The following EPYC variants were observed in gnomAD, a reference collection of about 807,000 sequenced individuals.
The protein encoded by EPYC is epiphycan, also known as dermatan sulfate proteoglycan 3.
In EPYC, 28 loss-of-function variants were observed where a neutral mutation model predicts 30.1. The ratio of observed to expected loss-of-function variants is 0.93; its 90% CI spans 0.69 to 1.28. The LOEUF (loss-of-function observed/expected upper bound fraction) is 1.28. Among genes scored for constraint, EPYC ranks in the 50% most tolerant of loss-of-function variants. EPYC has a pLI of 0.00. For synonymous variants in EPYC, 144 were observed against 141.4 expected, an observed-to-expected ratio of 1.02 and a Z score of -0.13; for missense variants, 382 against 383.5, an observed-to-expected ratio of 1.00 and a Z score of 0.03.
intron 3 of EPYC, among the ~76,000 whole-genome samples, chr12:90,974,291 T>C (rs1193187801): frequency 1.3e-5 from 2 of 152,060 alleles, no homozygotes; most frequent in Non-Finnish European, 2.9e-5. Context: ...TGAAAAATGT[T>C]CTTGGATTAG....
chr12:90,994,299 TG>T (rs1436890472), intron 2 of EPYC, among the ~76,000 whole-genome samples: 13 of 152,238 alleles, frequency 8.5e-5, no homozygotes, highest in African/African-American at 2.9e-4. Flanking sequence ...ATTGAGTGAG[TG>T]ATTCAATGGT....
chr12:90,964,378 G>A, intron 6 of EPYC, 52 bp from the exon 7 acceptor site: 1 of 1,373,174 alleles, frequency 7.3e-7, no homozygotes, highest in South Asian at 1.3e-5. Flanking sequence ...TCTTAGTATT[G>A]ATTGATAGCG....
rs775774143 is a variant in EPYC at position 90,972,990 on chromosome 12, A to G, written c.341-10T>C. Reference sequence around the variant, plus strand: ...AGACAGGTTGGAAAGTCTAAAAGATAAAGGAAAATAAAATTAAATGTAAGT... The same window carrying G: ...AGACAGGTTGGAAAGTCTAAAAGATGAAGGAAAATAAAATTAAATGTAAGT... On this transcript the variant is annotated splice_polypyrimidine_tract_variant and intron_variant, in intron 3 of 6. Transcript: ENST00000261172. The G allele has an allele frequency of 1.3e-6, 2 of 1,537,226 alleles. No individual in the cohort carries two copies. Among genetic ancestry groups the G allele is most frequent in the Admixed American group, 3.8e-5 (2 of 52,432 alleles).
chr12:90,972,017 TAAAG>T lies in EPYC; in HGVS notation c.500-19_500-16del, dbSNP rs370788402. ...TTTTAAATCACCTAGCAGAAAAAAA[TAAAG>T]GAAGTAATTAAATATTCTTGTTTTG... is the stretch of plus-strand genomic sequence containing the variant. On this transcript the variant is annotated splice_polypyrimidine_tract_variant and intron_variant, in intron 4 of 6. Coordinates refer to ENST00000261172, the MANE Select transcript of EPYC (RefSeq NM_004950.5). The T allele has an allele frequency of 1.1e-3, 1,513 of 1,366,974 alleles. 4 individuals carry two copies. In the African/African-American group the frequency reaches 0.02, roughly 18 times the overall value. 84.7% of individuals were successfully genotyped at this position (1,366,974 alleles called of 1,614,324 possible).
chr12:90,996,820 A>G (rs2120863931), intron 2 of EPYC, among the ~76,000 whole-genome samples: 1 of 152,198 alleles, frequency 6.6e-6, no homozygotes, highest in South Asian at 2.1e-4. Flanking sequence ...ATTCATTGCT[A>G]CAGTTATTTA....
intron 1 of EPYC, 54 bp downstream of exon 1, chr12:91,004,893 G>T (rs919247993): frequency 6.6e-5 from 10 of 152,024 alleles, no homozygotes; most frequent in African/African-American, 2.4e-4. Context: ...TTTAAAGGTT[G>T]TTATAGTAGG....
At chr12:90,999,142 T>G (rs958614549) in intron 2 of EPYC, among the ~76,000 whole-genome samples, 2 of 152,116 alleles carry the variant, frequency 1.3e-5, no homozygotes, top group Non-Finnish European at 2.9e-5. Flanking sequence ...TAAATTCAAC[T>G]GTGCCATATA....
chr12:90,999,398 C>T (rs529727883), intron 2 of EPYC, among the ~76,000 whole-genome samples: 4 of 152,078 alleles, frequency 2.6e-5, no homozygotes, highest in African/African-American at 7.2e-5. Context: ...TTCAGTTATC[C>T]TATAAATTTA....
At chr12:90,974,046 A>T (rs1877121311) in intron 3 of EPYC, among the ~76,000 whole-genome samples, 1 of 147,958 alleles carries the variant, frequency 6.8e-6, no homozygotes, top group African/African-American at 2.4e-5. Context: ...ACTCACACAC[A>T]CACACACACA....
At chr12:90,994,968 A>T (rs529141784) in intron 2 of EPYC, among the ~76,000 whole-genome samples, 1 of 152,178 alleles carries the variant, frequency 6.6e-6, no homozygotes, top group South Asian at 2.1e-4. Context: ...GCAACAATTG[A>T]CTTCTAAAGG....
intron 2 of EPYC, among the ~76,000 whole-genome samples, chr12:90,992,094 G>A (rs1439154230): frequency 1.3e-5 from 2 of 152,180 alleles, no homozygotes; most frequent in Admixed American, 6.5e-5. Context: ...CACTAGGGAT[G>A]GTTTCAGGAT....
chr12:90,995,682 A>G (rs1461020934), intron 2 of EPYC, among the ~76,000 whole-genome samples: 2 of 151,888 alleles, frequency 1.3e-5, no homozygotes, highest in Non-Finnish European at 2.9e-5. Context: ...ATAAATATAA[A>G]GAAGTCACCA....
intron 2 of EPYC, among the ~76,000 whole-genome samples, chr12:90,991,048 A>G (rs1328406813): frequency 6.6e-6 from 1 of 152,144 alleles, no homozygotes; most frequent in African/African-American, 2.4e-5. Context: ...TTATAACTCT[A>G]GAGAGAACAC....
intron 2 of EPYC, among the ~76,000 whole-genome samples, chr12:90,991,722 G>A (rs1877589263): frequency 6.6e-6 from 1 of 152,106 alleles, no homozygotes; most frequent in South Asian, 2.1e-4. Flanking sequence ...CCAAACCTGG[G>A]TCTCATCCAC....
At chr12:90,968,031 CT>C (rs1196085657) in intron 6 of EPYC, among the ~76,000 whole-genome samples, 2 of 151,886 alleles carry the variant, frequency 1.3e-5, no homozygotes, top group Non-Finnish European at 2.9e-5. Context: ...TACTATTGAA[CT>C]GCCTATTTCT....
intron 6 of EPYC, among the ~76,000 whole-genome samples, chr12:90,966,405 G>A (rs2074939079): frequency 6.6e-6 from 1 of 151,882 alleles, no homozygotes; most frequent in Admixed American, 6.6e-5. Flanking sequence ...ATAATCATAT[G>A]GTTTTAAGCC....
At chr12:90,996,216 T>C (rs764629708) in intron 2 of EPYC, among the ~76,000 whole-genome samples, 6 of 151,856 alleles carry the variant, frequency 4.0e-5, no homozygotes, top group Admixed American at 6.6e-5. Context: ...TATACCGATT[T>C]ATTATATTTA....
At chr12:91,003,445 C>A (rs1877877908) in intron 1 of EPYC, among the ~76,000 whole-genome samples, 1 of 151,970 alleles carries the variant, frequency 6.6e-6, no homozygotes, top group South Asian at 2.1e-4. Context: ...TTATAGCCAT[C>A]TTTGTTTTTT....
chr12:90,974,281 T>C (rs1217769557), intron 3 of EPYC, among the ~76,000 whole-genome samples: 2 of 152,002 alleles, frequency 1.3e-5, no homozygotes, highest in Non-Finnish European at 2.9e-5. Flanking sequence ...AGTTAAGGAC[T>C]GAAAAATGTT....
Sources: gnomAD v4.1 joint callset for allele counts (sites outside exome capture counted in the v4.1 genomes callset) on GRCh38, gnomAD v4.1.1 for gene constraint, MANE v1.5 for transcripts, NCBI Gene and HGNC (gene_info 2026-07-23, HGNC 2026-07-21) for gene names.